ELOVL3: variants seen among roughly 807,000 people sequenced by gnomAD.
The protein encoded by ELOVL3 is ELOVL fatty acid elongase 3.
ELOVL3 carries 11 observed loss-of-function variants against 14.9 expected under a neutral mutation model. The observed-to-expected ratio is 0.74, with a 90% CI of 0.46 to 1.22. The LOEUF (loss-of-function observed/expected upper bound fraction) is 1.22. Ranked by LOEUF, ELOVL3 falls within the 50% of genes most tolerant of loss-of-function variation. The pLI is 0.00. For synonymous variants in ELOVL3, 117 were observed against 124.7 expected, an observed-to-expected ratio of 0.94 and a Z score of 0.41; for missense variants, 277 against 338.9, an observed-to-expected ratio of 0.82 and a Z score of 1.43.
chr10:102,228,292 A>T, intron 2 of ELOVL3, 125 bp from the exon 3 acceptor site: 1 of 992,162 alleles, frequency 1.0e-6, no homozygotes, highest in Non-Finnish European at 1.5e-6. Context: ...GCTTTGACCC[A>T]CCCCCTGTGG....
At chr10:102,227,878 C>A in intron 2 of ELOVL3, 121 bp downstream of exon 2, 2 of 1,106,728 alleles carry the variant, frequency 1.8e-6, no homozygotes, top group Non-Finnish European at 2.6e-6. Context: ...AACACTCTCC[C>A]CATCTCATTC....
chr10:102,228,694 G>T, intron 3 of ELOVL3, 126 bp downstream of exon 3: 1 of 1,420,236 alleles, frequency 7.0e-7, no homozygotes, highest in Non-Finnish European at 9.7e-7. Context: ...TCTCACCCAA[G>T]CCCCTCTACA....
In ELOVL3 at chr10:102,229,462, G is replaced by A. The variant is rs1329022102; in HGVS notation, c.*210G>A. The A allele has an allele frequency of 1.5e-5, 8 of 551,202 alleles. No individual in the cohort carries two copies. Among genetic ancestry groups the A allele is most frequent in the Non-Finnish European group, 6.4e-6 (2 of 311,948 alleles). 34.1% of individuals were successfully genotyped at this position (551,202 alleles called of 1,614,324 possible). The stretch of plus-strand genomic sequence containing the variant: ...TTACTTTAATGTTTCTGTTTTTAAT[G>A]TGAAGGCCAAGCAGGCCCTGGGATG... On this transcript the variant is annotated 3_prime_UTR_variant, in exon 4 of 4. Coordinates refer to ENST00000370005, the MANE Select transcript of ELOVL3 (RefSeq NM_152310.3).
In ELOVL3 at chr10:102,226,617, C is replaced by G; in HGVS notation, c.69C>G (p.Ser23=). Residue 23 remains serine, a synonymous_variant, in exon 1 of 4, where the codon TCC becomes TCG. Coordinates refer to ENST00000370005, the MANE Select transcript of ELOVL3 (RefSeq NM_152310.3). ...QLFQPYNFEL[S]KDMRPFFEEY... ...TCCAGCCCTATAACTTCGAGCTGTC[C>G]AAGGACATGAGGCCCTTTTTCGAGG... is the stretch of plus-strand genomic sequence containing the variant. 6.2e-7 allele frequency: 1 copy of G among 1,613,952 alleles called. No individual in the cohort carries two copies. The highest frequency in any genetic ancestry group is 1.7e-5 in the Admixed American group (1 of 60,018).
rs765243066 is a variant in ELOVL3 at position 102,226,521 on chromosome 10, C to T, written c.-28C>T. ...CAGCCTTTCACCCAGCGCCTCCAAG[C>T]TTTGGACCTTGACTTCTGCAAAACT... On this transcript the variant is annotated 5_prime_UTR_variant, in exon 1 of 4. Coordinates refer to ENST00000370005, the MANE Select transcript of ELOVL3 (RefSeq NM_152310.3). 6.4e-7 allele frequency: 1 copy of T among 1,569,534 alleles called. No individual in the cohort carries two copies. Among genetic ancestry groups the T allele is most frequent in the South Asian group, 1.1e-5 (1 of 90,044 alleles).
At position 102,226,412 on chromosome 10, in the gene ELOVL3, A is replaced by G; in HGVS notation, c.-137A>G. Reference sequence around the variant, plus strand: ...GCCGCCGCGCACATGCCTAGGTTCGACGCCCTCCTCCCTTTGCCCAGGAGT... The same window carrying G: ...GCCGCCGCGCACATGCCTAGGTTCGGCGCCCTCCTCCCTTTGCCCAGGAGT... On this transcript the variant is annotated 5_prime_UTR_variant, in exon 1 of 4. Transcript: ENST00000370005. 1.8e-5 allele frequency: 11 copies of G among 613,122 alleles called. 1 individual carries two copies. The South Asian group carries it at 2.2e-4, about 12-fold the overall frequency. The allele number at this position is 613,122 out of a possible 1,614,324, so 38.0% of individuals were successfully genotyped here.
chr10:102,226,130 G>T (rs61874851), upstream of ELOVL3, among the ~76,000 whole-genome samples: 3,404 of 152,332 alleles, frequency 0.022, 67 homozygotes, highest in Non-Finnish European at 0.034. Flanking sequence ...GACGTTTTAC[G>T]GGAGAAAAGG....
Position 102,226,511 on chromosome 10 carries a change from C to T in ELOVL3, c.-38C>T, listed in dbSNP as rs770408855. 3 of 1,467,666 alleles carry T rather than the reference C, an allele frequency of 2.0e-6. No individual in the cohort carries two copies. Among genetic ancestry groups the T allele is most frequent in the African/African-American group, 2.8e-5 (2 of 71,940 alleles). 90.9% of individuals were successfully genotyped at this position (1,467,666 alleles called of 1,614,324 possible). On this transcript the variant is annotated 5_prime_UTR_variant, in exon 1 of 4. Transcript: ENST00000370005. Reference sequence around the variant, plus strand: ...CTCGGAGCCCCAGCCTTTCACCCAGCGCCTCCAAGCTTTGGACCTTGACTT... The same window carrying T: ...CTCGGAGCCCCAGCCTTTCACCCAGTGCCTCCAAGCTTTGGACCTTGACTT...
chr10:102,226,731 T>G, intron 1 of ELOVL3, 82 bp downstream of exon 1: 2 of 950,662 alleles, frequency 2.1e-6, no homozygotes, highest in Non-Finnish European at 3.4e-6. Context: ...CCCACAATGA[T>G]TTTCTTACAG....
In ELOVL3 at chr10:102,229,199, T is replaced by G. The variant is rs759371334; in HGVS notation, c.760T>G (p.Phe254Val). Residue 254 changes from phenylalanine to valine, a missense_variant, in exon 4 of 4, where the codon TTC becomes GTC. By Grantham distance (50) the Phe-to-Val change is conservative. Transcript: ENST00000370005. ...MTYFILFAHF[F>V]CQTYIRPKVK... ...CTATTTCATCCTCTTTGCCCACTTC[T>G]TCTGCCAGACCTACATCAGGCCCAA... 1.2e-6 allele frequency: 2 copies of G among 1,613,938 alleles called. No individual in the cohort carries two copies. The highest frequency in any genetic ancestry group is 1.7e-6 in the Non-Finnish European group (2 of 1,180,010).
chr10:102,227,571 AT>A, intron 1 of ELOVL3, 54 bp from the exon 2 acceptor site: 2 of 1,569,272 alleles, frequency 1.3e-6, no homozygotes, highest in Non-Finnish European at 1.7e-6. Flanking sequence ...ATGAGTGGGC[AT>A]TTCTCTAATC....
intron 3 of ELOVL3, 58 bp from the exon 4 acceptor site, chr10:102,228,767 G>C: frequency 5.9e-6 from 9 of 1,532,880 alleles, no homozygotes; most frequent in Admixed American, 5.3e-5. Flanking sequence ...CCTACATCCA[G>C]TGCAGAGGGT....
rs542677161 is a variant in ELOVL3 at position 102,228,486 on chromosome 10, C to T, written c.303C>T (p.Thr101=). Residue 101 remains threonine, a synonymous_variant, in exon 3 of 4, where the codon ACC becomes ACT. Transcript: ENST00000370005. The stretch of plus-strand genomic sequence containing the variant: ...TACTTACCGGGGGCCTAAAGCAAAC[C>T]GTGTGCTTCATCAACTTCATCGATA... ...TVLLTGGLKQ[T]VCFINFIDNS... 4.3e-6 allele frequency: 7 copies of T among 1,613,984 alleles called. No homozygotes were observed. Among genetic ancestry groups the T allele is most frequent in the Middle Eastern group, 1.6e-4 (1 of 6,084 alleles).
At chr10:102,227,820 A>C in intron 2 of ELOVL3, 63 bp downstream of exon 2, 3 of 1,578,914 alleles carry the variant, frequency 1.9e-6, no homozygotes, top group Non-Finnish European at 2.6e-6. Context: ...TATCCCTTGA[A>C]GCTTTCCCGA....
chr10:102,228,403 TTG>T lies in ELOVL3; in HGVS notation c.234-12_234-11del. 8 of 1,612,900 alleles carry T rather than the reference TTG, an allele frequency of 5.0e-6. No individual in the cohort carries two copies. Among genetic ancestry groups the T allele is most frequent in the Non-Finnish European group, 6.8e-6 (8 of 1,179,234 alleles). ...GGGATGACACTTACACCATCTTCCT[TTG>T]TCCCATTTCAGTATCCTGGGGGCAG... On this transcript the variant is annotated splice_polypyrimidine_tract_variant and intron_variant, in intron 2 of 3. Transcript: ENST00000370005.
chr10:102,229,001 A>C lies in ELOVL3; in HGVS notation c.562A>C (p.Lys188Gln), dbSNP rs768374776. 4.3e-6 allele frequency: 7 copies of C among 1,614,138 alleles called. No individual in the cohort carries two copies. In the Admixed American group the frequency reaches 6.7e-5, roughly 15 times the overall value. Residue 188 changes from lysine (K) to glutamine (Q), a missense_variant, in exon 4 of 4, where the codon AAG becomes CAG. Physicochemically the swap from Lys to Gln is moderately conservative, Grantham distance 53. Coordinates refer to ENST00000370005, the MANE Select transcript of ELOVL3 (RefSeq NM_152310.3). Reference sequence around the variant, plus strand: ...CATCATGTACACCTACTACACTCTGAAGGCTGCCAACGTGAAGCCCCCCAA... The same window carrying C: ...CATCATGTACACCTACTACACTCTGCAGGCTGCCAACGTGAAGCCCCCCAA... ...HAIMYTYYTL[K>Q]AANVKPPKML...
At chr10:102,226,187 G>T (rs934230964), upstream of ELOVL3, 3 of 196,956 alleles carry the variant, frequency 1.5e-5, no homozygotes, top group Non-Finnish European at 3.1e-5. Context: ...TTGGGGCGGG[G>T]TGTGCGAAAC....
upstream of ELOVL3, among the ~76,000 whole-genome samples, chr10:102,225,222 A>G (rs760056714): frequency 3.9e-5 from 6 of 152,184 alleles, no homozygotes; most frequent in Non-Finnish European, 7.3e-5. Context: ...GTACAGAGAC[A>G]AAGAGATGCA....
Position 102,226,583 on chromosome 10 carries a change from A to T in ELOVL3, c.35A>T (p.Asn12Ile), listed in dbSNP as rs1440122586. The change falls in exon 1 of 4, where the codon AAT (asparagine) becomes ATT (isoleucine). Residue 12 changes from asparagine (N) to isoleucine (I), a missense_variant. Physicochemically the swap from Asn to Ile is moderately radical, Grantham distance 149 (BLOSUM62 -3). Coordinates refer to ENST00000370005, the MANE Select transcript of ELOVL3 (RefSeq NM_152310.3). ...VTAMNVSHEV[N>I]QLFQPYNFEL... ...GCCATGAATGTCTCACATGAAGTAA[A>T]TCAGCTGTTCCAGCCCTATAACTTC... The T allele has an allele frequency of 1.2e-6, 2 of 1,613,962 alleles. No homozygotes were observed. The highest frequency in any genetic ancestry group is 3.3e-5 in the Admixed American group (2 of 60,000).
Sources: allele counts gnomAD v4.1 joint callset (sites outside exome capture counted in the v4.1 genomes callset), GRCh38; gene constraint gnomAD v4.1.1; transcripts MANE v1.5; gene names NCBI Gene and HGNC (gene_info 2026-07-23, HGNC 2026-07-21).